Variants in SSBP3 observed in about 807,000 individuals in gnomAD.
SSBP3 encodes single stranded DNA binding protein 3.
Under a neutral mutation model 69.6 loss-of-function variants are expected in SSBP3, and 5 were observed. The ratio of observed to expected loss-of-function variants is 0.07; its 90% confidence interval spans 0.04 to 0.15. SSBP3 has a LOEUF of 0.15. SSBP3 is among the 10% of genes least tolerant of loss of function. SSBP3 has a pLI of 1.00. For synonymous variants in SSBP3, 196 were observed against 193.4 expected (o/e 1.01, Z -0.11); for missense variants, 312 against 534.0 (o/e 0.58, Z 4.10).
intron 4 of SSBP3, among the ~76,000 whole-genome samples, chr1:54,345,367 C>T (rs1646672641): frequency 1.3e-5 from 2 of 152,124 alleles, no homozygotes; most frequent in Admixed American, 1.3e-4. Context: ...ACACCAAGAG[C>T]CGCACTCTAA....
intron 4 of SSBP3, among the ~76,000 whole-genome samples, chr1:54,288,033 A>G (rs1645523696): frequency 6.6e-6 from 1 of 152,178 alleles, no homozygotes; most frequent in African/African-American, 2.4e-5. Flanking sequence ...TCCCGGCACC[A>G]ATGGACGGCC....
At chr1:54,253,906 C>A (rs933105944) in intron 7 of SSBP3, among the ~76,000 whole-genome samples, 4 of 152,226 alleles carry the variant, frequency 2.6e-5, no homozygotes, top group South Asian at 2.1e-4. Context: ...TTCCTCTAAC[C>A]CTCCTATGTG....
intron 5 of SSBP3, among the ~76,000 whole-genome samples, chr1:54,266,477 G>C (rs1485398664): frequency 6.6e-6 from 1 of 152,160 alleles, no homozygotes; most frequent in Non-Finnish European, 1.5e-5. Flanking sequence ...AAGACCTGAT[G>C]GCCCACAAAG....
intron 4 of SSBP3, among the ~76,000 whole-genome samples, chr1:54,346,161 C>CAA (rs779933899): frequency 1.5e-5 from 2 of 132,462 alleles, no homozygotes; most frequent in Admixed American, 7.7e-5. Context: ...GACTTCATCT[C>CAA]AAAAAAAAAA....
At chr1:54,404,546 C>T (rs1374399943) in intron 3 of SSBP3, 30 bp downstream of exon 3, 7 of 1,612,170 alleles carry the variant, frequency 4.3e-6, no homozygotes, top group Non-Finnish European at 5.9e-6. Context: ...ACAAAACAAA[C>T]ACACATGCAA....
At chr1:54,281,157 G>A (rs983648640) in intron 5 of SSBP3, among the ~76,000 whole-genome samples, 1 of 152,130 alleles carries the variant, frequency 6.6e-6, no homozygotes, top group Non-Finnish European at 1.5e-5. Flanking sequence ...CCCTGGCCAG[G>A]GGCAGACTGT....
intron 11 of SSBP3, among the ~76,000 whole-genome samples, chr1:54,241,829 T>C (rs970744639): frequency 6.6e-6 from 1 of 152,220 alleles, no homozygotes; most frequent in Non-Finnish European, 1.5e-5. Context: ...TTCACCCCAC[T>C]GTCTGTGTGG....
chr1:54,369,222 G>GGGGGT (rs1553146723), intron 4 of SSBP3, among the ~76,000 whole-genome samples: 1 of 150,892 alleles, frequency 6.6e-6, no homozygotes, highest in Non-Finnish European at 1.5e-5. Flanking sequence ...TTGAGTCGGG[G>GGGGGT]GGGGGGCCCA....
intron 4 of SSBP3, among the ~76,000 whole-genome samples, chr1:54,394,271 A>G (rs976169705): frequency 6.6e-6 from 1 of 152,194 alleles, no homozygotes; most frequent in Non-Finnish European, 1.5e-5. Flanking sequence ...AGCTACTTGA[A>G]AGAACACTAG....
chr1:54,237,815 C>CT (rs1644525433), intron 14 of SSBP3: 1 of 262,878 alleles, frequency 3.8e-6, no homozygotes. Context: ...GCAAGTGCTG[C>CT]TAACATGCAT....
intron 4 of SSBP3, among the ~76,000 whole-genome samples, chr1:54,355,830 C>A (rs949587550): frequency 6.6e-6 from 1 of 152,200 alleles, no homozygotes; most frequent in African/African-American, 2.4e-5. Flanking sequence ...TCTATCCACA[C>A]CTCCCGCTTT....
intron 5 of SSBP3, among the ~76,000 whole-genome samples, chr1:54,259,497 G>A (rs1458971890): frequency 6.6e-6 from 1 of 152,204 alleles, no homozygotes; most frequent in Non-Finnish European, 1.5e-5. Context: ...CAGGGATGAG[G>A]AGACAGGCCT....
intron 4 of SSBP3, among the ~76,000 whole-genome samples, chr1:54,376,126 C>A (rs745901598): frequency 6.6e-6 from 1 of 152,024 alleles, no homozygotes; most frequent in Non-Finnish European, 1.5e-5. Flanking sequence ...ACTCCTGGAC[C>A]CCCTCCTCCT....
chr1:54,338,237 G>A (rs1296902973), intron 4 of SSBP3, among the ~76,000 whole-genome samples: 9 of 152,348 alleles, frequency 5.9e-5, no homozygotes, highest in South Asian at 4.1e-4. Context: ...CTGCATAGCC[G>A]GCACCTACGG....
chr1:54,372,839 G>T (rs1647156771), intron 4 of SSBP3, among the ~76,000 whole-genome samples: 1 of 152,174 alleles, frequency 6.6e-6, no homozygotes, highest in African/African-American at 2.4e-5. Flanking sequence ...TTAACCCAGG[G>T]CCACACAGCT....
intron 4 of SSBP3, among the ~76,000 whole-genome samples, chr1:54,294,960 C>T (rs770002672): frequency 6.6e-5 from 10 of 152,164 alleles, no homozygotes; most frequent in South Asian, 2.1e-4. Context: ...GAGGCTCCTC[C>T]ACCAAACTAG....
At chr1:54,313,416 C>T (rs921549872) in intron 4 of SSBP3, among the ~76,000 whole-genome samples, 1 of 150,294 alleles carries the variant, frequency 6.7e-6, no homozygotes. Context: ...GGGGCTCACA[C>T]CGAAGCTGTG....
chr1:54,273,285 G>T (rs968417145), intron 5 of SSBP3, among the ~76,000 whole-genome samples: 1 of 152,236 alleles, frequency 6.6e-6, no homozygotes. Flanking sequence ...AGGGAGAGGC[G>T]GCTCAAGTGT....
intron 4 of SSBP3, among the ~76,000 whole-genome samples, chr1:54,282,591 A>C (rs1645415465): frequency 6.6e-6 from 1 of 152,160 alleles, no homozygotes; most frequent in African/African-American, 2.4e-5. Flanking sequence ...TGTGCAACCT[A>C]TTCAGGTGGT....
Sources: allele counts gnomAD v4.1 joint callset (sites outside exome capture counted in the v4.1 genomes callset), GRCh38; gene constraint gnomAD v4.1.1; transcripts MANE v1.5; gene names NCBI Gene and HGNC (gene_info 2026-07-23, HGNC 2026-07-21).